SLC7A8: variants seen among roughly 807,000 people sequenced by gnomAD.
The protein encoded by SLC7A8 is solute carrier family 7 member 8.
Under a neutral mutation model 51.2 loss-of-function variants are expected in SLC7A8, and 30 were observed. The ratio of observed to expected loss-of-function variants is 0.59; its 90% CI spans 0.44 to 0.80. The LOEUF (loss-of-function observed/expected upper bound fraction) is 0.80. Ranked by LOEUF, SLC7A8 falls within the 30% of genes least tolerant of loss-of-function variation. SLC7A8 has a pLI of 0.00. For missense variants in SLC7A8, 612 were observed against 674.4 expected, an observed-to-expected ratio of 0.91 and a Z score of 1.03; for synonymous variants, 257 against 275.8, an observed-to-expected ratio of 0.93 and a Z score of 0.67.
At chr14:23,147,386 G>A (rs2048806975) in intron 3 of SLC7A8, among the ~76,000 whole-genome samples, 1 of 152,204 alleles carries the variant, frequency 6.6e-6, no homozygotes, top group Non-Finnish European at 1.5e-5. Context: ...AGTAAGAGAT[G>A]CCCACAAAAC....
At chr14:23,136,336 GC>G (rs1353165519) in intron 7 of SLC7A8, among the ~76,000 whole-genome samples, 7 of 152,278 alleles carry the variant, frequency 4.6e-5, no homozygotes, top group Non-Finnish European at 1.0e-4. Flanking sequence ...CGTGCACATA[GC>G]CAGGGTCCTG....
Position 23,165,818 on chromosome 14 carries a change from G to A in SLC7A8, c.357-382C>T, listed in dbSNP as rs903866846. 2.0e-5 allele frequency among the ~76,000 whole-genome samples: 3 copies of A among 152,132 alleles called. No homozygotes were observed. Among genetic ancestry groups the A allele is most frequent in the Non-Finnish European group, 4.4e-5 (3 of 68,034 alleles). ...TAATCAGGAGAGGTATCAAGTGGGG[G>A]TTTGCAGGGGAAGCGCCTTCCACAC... is the stretch of plus-strand genomic sequence containing the variant. On this transcript the variant is annotated intron_variant, in intron 2 of 10. Transcript: ENST00000316902. This position sits in a 1 kb window ranked among gnomAD's most constrained non-coding sequence, Gnocchi z 4.2.
intron 3 of SLC7A8, chr14:23,154,135 C>A: frequency 4.3e-6 from 2 of 461,142 alleles, no homozygotes; most frequent in Non-Finnish European, 5.8e-6. Context: ...GAAATCAGAA[C>A]GCCCTGTTCC....
chr14:23,146,970 T>C (rs555623871), intron 3 of SLC7A8: 49 of 152,236 alleles, frequency 3.2e-4, no homozygotes, highest in African/African-American at 1.2e-3. Context: ...AACCCTCTCT[T>C]CTCGGCTAGA....
intron 3 of SLC7A8, among the ~76,000 whole-genome samples, chr14:23,164,975 G>C (rs890134782): frequency 1.1e-4 from 17 of 150,780 alleles, no homozygotes; most frequent in Non-Finnish European, 2.2e-4. Context: ...CTGGGTGACA[G>C]AGTGAGACCC....
intron 1 of SLC7A8, among the ~76,000 whole-genome samples, chr14:23,179,506 G>GAAA (rs71115600): frequency 7.0e-6 from 1 of 142,524 alleles, no homozygotes; most frequent in African/African-American, 2.6e-5. Context: ...CACAGTCCCT[G>GAAA]AAAAAAAAAA....
At chr14:23,145,266 C>T (rs959384031) in intron 3 of SLC7A8, among the ~76,000 whole-genome samples, 30 of 151,244 alleles carry the variant, frequency 2.0e-4, no homozygotes, top group African/African-American at 6.8e-4. Flanking sequence ...TGGTGGCTCA[C>T]GCTTGTAATC....
Position 23,150,712 on chromosome 14 carries a change from G to T in SLC7A8, c.509-7508C>A, listed in dbSNP as rs146167398. 2.5e-3 allele frequency among the ~76,000 whole-genome samples: 380 copies of T among 152,324 alleles called. 1 individual carries two copies. Among genetic ancestry groups the T allele is most frequent in the African/African-American group, 8.5e-3 (355 of 41,572 alleles). On this transcript the variant is annotated intron_variant, in intron 3 of 10. Transcript: ENST00000316902. ...GAAAGTCAAAAAGAGCATGTGATTT[G>T]CTCAGGATCATGCTGACACTCACAG...
chr14:23,129,048 C>T (rs1365032911), intron 9 of SLC7A8, among the ~76,000 whole-genome samples: 2 of 152,198 alleles, frequency 1.3e-5, no homozygotes, highest in African/African-American at 4.8e-5. Context: ...ACTCATAATG[C>T]TCTAGCATGT....
chr14:23,169,446 G>T (rs903342813), intron 1 of SLC7A8, among the ~76,000 whole-genome samples: 5 of 152,188 alleles, frequency 3.3e-5, no homozygotes, highest in Non-Finnish European at 5.9e-5. Context: ...ACAGCCTGTC[G>T]CCCAGGCTGG....
chr14:23,168,815 T>C (rs1423862378), intron 1 of SLC7A8, among the ~76,000 whole-genome samples: 1 of 152,218 alleles, frequency 6.6e-6, no homozygotes, highest in Non-Finnish European at 1.5e-5. Flanking sequence ...CTGTTTTCAC[T>C]CTGACATTTC....
In SLC7A8 at chr14:23,165,208, G is replaced by A. The variant is rs1004018610; in HGVS notation, c.508+77C>T. On this transcript the variant is annotated intron_variant, in intron 3 of 10. Transcript: ENST00000316902. The surrounding 1 kb of genome is among the most constrained non-coding windows in gnomAD (Gnocchi z 4.2). ...GCTCCAGCCTGAGTGACAGAGTGAA[G>A]ACTCTGTTTCTAAAAATAATAATAA... 1 of 1,357,534 alleles carries A rather than the reference G, an allele frequency of 7.4e-7. No individual in the cohort carries two copies. 84.1% of individuals were successfully genotyped at this position (1,357,534 alleles called of 1,614,324 possible).
Position 23,130,437 on chromosome 14 carries a change from T to C in SLC7A8, c.1114-638A>G, listed in dbSNP as rs771991724. ...CATCTCTGTGGCTCTCTTGGAACCATGCTCCTCCCCTCTGATAACTTGTGA... is the reference window on the plus strand; with the variant it reads ...CATCTCTGTGGCTCTCTTGGAACCACGCTCCTCCCCTCTGATAACTTGTGA... On this transcript the variant is annotated intron_variant, in intron 8 of 10. Transcript: ENST00000316902. Among the ~76,000 whole-genome samples the C allele has an allele frequency of 4.6e-5, 7 of 152,204 alleles. No individual in the cohort carries two copies. The South Asian group carries it at 6.2e-4, about 13-fold the overall frequency.
At position 23,126,073 on chromosome 14, in the gene SLC7A8, C is replaced by T. The variant is rs1417755183; in HGVS notation, c.*1104G>A. ...AGTCTCCCAGGGTATGGAATGGGCA[C>T]CTCTAGGGAGGGGGAAAGCACCCTT... On this transcript the variant is annotated 3_prime_UTR_variant, in exon 11 of 11. Coordinates refer to ENST00000316902, the MANE Select transcript of SLC7A8 (RefSeq NM_012244.4). 1.3e-5 allele frequency: 2 copies of T among 152,676 alleles called. No homozygotes were observed. Among genetic ancestry groups the T allele is most frequent in the Non-Finnish European group, 2.9e-5 (2 of 68,098 alleles). 9.5% of individuals were successfully genotyped at this position (152,676 alleles called of 1,614,324 possible).
chr14:23,180,193 A>C lies in SLC7A8; in HGVS notation c.151+2571T>G, dbSNP rs547614918. 1.8e-4 allele frequency among the ~76,000 whole-genome samples: 28 copies of C among 152,316 alleles called. No individual in the cohort carries two copies. The East Asian group carries it at 4.2e-3, about 23-fold the overall frequency. On this transcript the variant is annotated intron_variant, in intron 1 of 10. Coordinates refer to ENST00000316902, the MANE Select transcript of SLC7A8 (RefSeq NM_012244.4). The stretch of plus-strand genomic sequence containing the variant: ...AGTGCTGGGATTACAGGTGTGAGCC[A>C]CCGCACCCGGCCCTTTTTTTGCCTT...
At chr14:23,131,310 G>T (rs2048630095) in intron 8 of SLC7A8, 151 bp downstream of exon 8, 7 of 523,608 alleles carry the variant, frequency 1.3e-5, no homozygotes, top group Non-Finnish European at 2.0e-5. Flanking sequence ...AAGATGATGG[G>T]TATCATTTGC....
rs1448000318 is a variant in SLC7A8 at position 23,128,384 on chromosome 14, T to C, written c.1264-188A>G. ...CAGGGGCTATATAAACAAATGTTGATGAACATGGTCGGTCAGACAGGAAGA... is the reference window on the plus strand; with the variant it reads ...CAGGGGCTATATAAACAAATGTTGACGAACATGGTCGGTCAGACAGGAAGA... On this transcript the variant is annotated intron_variant, in intron 9 of 10. Coordinates refer to ENST00000316902, the MANE Select transcript of SLC7A8 (RefSeq NM_012244.4). This position sits in a 1 kb window ranked among gnomAD's most constrained non-coding sequence, Gnocchi z 4.3. 1.2e-5 allele frequency: 19 copies of C among 1,527,992 alleles called. No homozygotes were observed. The highest frequency in any genetic ancestry group is 1.7e-5 in the Non-Finnish European group (19 of 1,141,208). 94.7% of individuals were successfully genotyped at this position (1,527,992 alleles called of 1,614,324 possible). A position where few individuals can be genotyped will look rare whatever the true frequency, so the allele number is the denominator to read the frequency against.
At chr14:23,161,302 C>A (rs757027874) in intron 3 of SLC7A8, among the ~76,000 whole-genome samples, 9 of 152,052 alleles carry the variant, frequency 5.9e-5, no homozygotes. Context: ...TCGCCACGGG[C>A]TTTACCACAC....
chr14:23,166,055 C>T (rs192646018), intron 2 of SLC7A8, among the ~76,000 whole-genome samples: 17 of 152,270 alleles, frequency 1.1e-4, no homozygotes, highest in Admixed American at 1.1e-3. Context: ...AGTGTTGTTA[C>T]ACAGTTCTGT....
Sources: allele counts gnomAD v4.1 joint callset (sites outside exome capture counted in the v4.1 genomes callset), GRCh38; gene constraint gnomAD v4.1.1; non-coding constraint Gnocchi (gnomAD v3.1); transcripts MANE v1.5; gene names NCBI Gene and HGNC (gene_info 2026-07-23, HGNC 2026-07-21).